Variants in GLIS3 observed in about 807,000 individuals in gnomAD.
The protein encoded by GLIS3 is GLIS family zinc finger 3.
In GLIS3, 53 loss-of-function variants were observed where a neutral mutation model predicts 78.6. The observed-to-expected ratio is 0.67, with a 90% CI of 0.54 to 0.85. The LOEUF is 0.85. Among genes scored for constraint, GLIS3 ranks in the 40% least tolerant of loss-of-function variants. GLIS3 has a pLI of 0.00. For synonymous variants in GLIS3, 684 were observed against 509.9 expected (o/e 1.34, Z -4.60); for missense variants, 1,703 against 1,231.1 (o/e 1.38, Z -5.74).
At chr9:4,464,423 C>T in the GLIS3 span, among the ~76,000 whole-genome samples, 1 of 151,446 alleles carries the variant, frequency 6.6e-6, no homozygotes, top group Non-Finnish European at 1.5e-5. Context: ...GAGACAGAGT[C>T]TTGCTCTGTC....
At chr9:4,457,757 G>A in the GLIS3 span, among the ~76,000 whole-genome samples, 14 of 150,556 alleles carry the variant, frequency 9.3e-5, no homozygotes, top group South Asian at 2.7e-3. Context: ...GGCTGAGGCA[G>A]AAGAATCACT....
At chr9:4,000,061 A>C (rs1044428434) in intron 4 of GLIS3, among the ~76,000 whole-genome samples, 1 of 152,166 alleles carries the variant, frequency 6.6e-6, no homozygotes, top group East Asian at 1.9e-4. Flanking sequence ...AGAATAAGAA[A>C]AAGCTTGAAA....
intron 4 of GLIS3, among the ~76,000 whole-genome samples, chr9:3,993,489 T>C (rs957059455): frequency 6.6e-6 from 1 of 152,230 alleles, no homozygotes; most frequent in African/African-American, 2.4e-5. Flanking sequence ...AGTATGAATG[T>C]ATATGTACAT....
At chr9:4,216,416 C>T (rs984345131) in intron 2 of GLIS3, among the ~76,000 whole-genome samples, 5 of 146,396 alleles carry the variant, frequency 3.4e-5, no homozygotes, top group African/African-American at 1.3e-4. Context: ...AAAGGCGGAG[C>T]TTGCAGTAAG....
At chr9:4,314,891 C>G (rs1029466959) in intron 2 of GLIS3, among the ~76,000 whole-genome samples, 5 of 152,210 alleles carry the variant, frequency 3.3e-5, no homozygotes, top group African/African-American at 1.2e-4. Flanking sequence ...CTGCTGTTAG[C>G]TCTATTCCTT....
chr9:4,204,612 G>C (rs956807764), intron 2 of GLIS3, among the ~76,000 whole-genome samples: 2 of 152,086 alleles, frequency 1.3e-5, no homozygotes, highest in Non-Finnish European at 2.9e-5. Flanking sequence ...GATACCAAGA[G>C]AGTCAAGTAT....
the GLIS3 span, among the ~76,000 whole-genome samples, chr9:4,362,110 G>A: frequency 3.9e-5 from 6 of 152,194 alleles, no homozygotes; most frequent in African/African-American, 1.4e-4. Flanking sequence ...CCCCGCAAGA[G>A]CCACACATGC....
At chr9:4,067,729 T>C (rs113876059) in intron 4 of GLIS3, among the ~76,000 whole-genome samples, 2 of 152,042 alleles carry the variant, frequency 1.3e-5, no homozygotes, top group Non-Finnish European at 2.9e-5. Context: ...AAGACATGAA[T>C]TGCAGATTAG....
At chr9:4,383,967 G>C in the GLIS3 span, among the ~76,000 whole-genome samples, 5 of 152,282 alleles carry the variant, frequency 3.3e-5, no homozygotes, top group South Asian at 1.0e-3. Flanking sequence ...AAGACTTACA[G>C]CCTTAAATAT....
intron 2 of GLIS3, among the ~76,000 whole-genome samples, chr9:4,255,946 GTATA>G (rs1587173393): frequency 6.6e-6 from 1 of 152,186 alleles, no homozygotes. Context: ...CGAATGCTAT[GTATA>G]TATGCGTGCA....
At chr9:4,334,994 C>T (rs188140538) in intron 2 of GLIS3, among the ~76,000 whole-genome samples, 17 of 146,774 alleles carry the variant, frequency 1.2e-4, no homozygotes, top group African/African-American at 4.3e-4. Flanking sequence ...CCGCAAGCTC[C>T]ACCTCCCGGG....
At chr9:4,283,127 G>T (rs1347653120) in intron 2 of GLIS3, among the ~76,000 whole-genome samples, 2 of 151,156 alleles carry the variant, frequency 1.3e-5, no homozygotes, top group Non-Finnish European at 2.9e-5. Context: ...ACACAGGAAT[G>T]CACTTTGCAG....
chr9:4,025,576 C>T (rs527997627), intron 4 of GLIS3, among the ~76,000 whole-genome samples: 10 of 152,070 alleles, frequency 6.6e-5, no homozygotes, highest in Admixed American at 3.9e-4. Context: ...TTAGTAGAGA[C>T]GGGGTTTCAC....
intron 4 of GLIS3, among the ~76,000 whole-genome samples, chr9:4,021,447 A>G (rs181789287): frequency 6.6e-6 from 1 of 152,292 alleles, no homozygotes; most frequent in Admixed American, 6.5e-5. Context: ...TAGAGACAAG[A>G]TTGTATCCTA....
rs553900806 is a variant in GLIS3, at chr9:4,261,835, A to C, written c.388+24203T>G. Reference sequence around the variant, plus strand: ...CTCTCTTATCTTGAATCTCAAAAAAACATACTCTTGCTATGAACAGATATG... The same window carrying C: ...CTCTCTTATCTTGAATCTCAAAAAACCATACTCTTGCTATGAACAGATATG... On this transcript the variant is annotated intron_variant, in intron 2 of 10. Coordinates refer to ENST00000381971, the MANE Select transcript of GLIS3 (RefSeq NM_001042413.2). 1.1e-4 allele frequency among the ~76,000 whole-genome samples: 16 copies of C among 152,314 alleles called. No individual in the cohort carries two copies. The East Asian group carries it at 3.1e-3, about 29-fold the overall frequency.
intron 9 of GLIS3, among the ~76,000 whole-genome samples, chr9:3,849,242 ATCTG>A (rs990604293): frequency 2.0e-5 from 3 of 152,178 alleles, no homozygotes; most frequent in Admixed American, 6.5e-5. Context: ...ATATGAATGA[ATCTG>A]TCTGTGATTA....
chr9:4,356,398 A>G, the GLIS3 span, among the ~76,000 whole-genome samples: 1 of 152,224 alleles, frequency 6.6e-6, no homozygotes, highest in Non-Finnish European at 1.5e-5. Flanking sequence ...AATATGATTG[A>G]GCCCTGGTAT....
intron 4 of GLIS3, among the ~76,000 whole-genome samples, chr9:3,964,600 A>G (rs1817790675): frequency 6.6e-6 from 1 of 152,240 alleles, no homozygotes; most frequent in Non-Finnish European, 1.5e-5. Context: ...ATTATTCTCC[A>G]GCAGATGATA....
At chr9:3,923,800 C>G (rs1825051848) in intron 6 of GLIS3, among the ~76,000 whole-genome samples, 1 of 152,148 alleles carries the variant, frequency 6.6e-6, no homozygotes, top group Non-Finnish European at 1.5e-5. Context: ...TGGGCTATAG[C>G]CTAGACCTCA....
Sources: gnomAD v4.1 joint callset for allele counts (sites outside exome capture counted in the v4.1 genomes callset) on GRCh38, gnomAD v4.1.1 for gene constraint, MANE v1.5 for transcripts, NCBI Gene and HGNC (gene_info 2026-07-23, HGNC 2026-07-21) for gene names.